PCDHGA8: variants seen among roughly 807,000 people sequenced by gnomAD.
PCDHGA8 encodes protocadherin gamma subfamily A, 8, also known as protocadherin gamma-A8.
In PCDHGA8, 45 loss-of-function variants were observed where a neutral mutation model predicts 59.2. That is an observed-to-expected ratio of 0.76 (90% CI 0.60 to 0.98). The LOEUF (loss-of-function observed/expected upper bound fraction) is 0.98, where lower values mean the gene tolerates loss of function less well. Among genes scored for constraint, PCDHGA8 ranks in the 50% least tolerant of loss-of-function variants. PCDHGA8 has a pLI of 0.00. For synonymous variants in PCDHGA8, 531 were observed against 519.0 expected (o/e 1.02, Z -0.32); for missense variants, 1,257 against 1,196.2 (o/e 1.05, Z -0.75).
Position 141,489,268 on chromosome 5 carries a change from G to T in PCDHGA8, c.2425-5539G>T. On this transcript the variant is annotated intron_variant, in intron 1 of 3. Transcript: ENST00000398604. This position sits in a 1 kb window ranked among gnomAD's most constrained non-coding sequence, Gnocchi z 4.5. The stretch of plus-strand genomic sequence containing the variant: ...GGGGCCCAAGACACTCCCACAGCTC[G>T]CTGGGAAATGGCAAGTGCTGTGCAT... The T allele has an allele frequency of 3.9e-6, 6 of 1,553,284 alleles. No homozygotes were observed. The South Asian group carries it at 5.0e-5, about 13-fold the overall frequency.
intron 1 of PCDHGA8, chr5:141,400,506 G>A (rs771674964): frequency 3.7e-6 from 6 of 1,613,830 alleles, no homozygotes; most frequent in Non-Finnish European, 5.1e-6. Context: ...CCAGCGAGTC[G>A]ACTTCCCATC....
chr5:141,421,964 C>T (rs772274014), intron 1 of PCDHGA8: 3 of 1,611,472 alleles, frequency 1.9e-6, no homozygotes, highest in Non-Finnish European at 1.7e-6. Flanking sequence ...TTTACACAGT[C>T]CGTATATCGC....
chr5:141,413,863 G>T, intron 1 of PCDHGA8: 1 of 1,613,356 alleles, frequency 6.2e-7, no homozygotes, highest in Non-Finnish European at 8.5e-7. Flanking sequence ...ATCTGGCACT[G>T]TCCTTGTCAG....
chr5:141,450,489 CTGTT>C (rs1372781820), intron 1 of PCDHGA8, among the ~76,000 whole-genome samples: 4 of 150,280 alleles, frequency 2.7e-5, no homozygotes, highest in Non-Finnish European at 2.9e-5. Context: ...GTTTGTTTGT[CTGTT>C]TGTTTGTTTT....
At chr5:141,475,997 G>A in intron 1 of PCDHGA8, 2 of 1,184,406 alleles carry the variant, frequency 1.7e-6, no homozygotes, top group East Asian at 2.4e-5. Flanking sequence ...CAAATCAACG[G>A]CATCCAGAAA....
At chr5:141,464,120 C>G (rs1297254980) in intron 1 of PCDHGA8, among the ~76,000 whole-genome samples, 1 of 151,976 alleles carries the variant, frequency 6.6e-6, no homozygotes, top group African/African-American at 2.4e-5. Flanking sequence ...CAAAAATTAG[C>G]TGGGTGTGGT....
In PCDHGA8 at chr5:141,494,860, C is replaced by T. The variant is rs372794752; in HGVS notation, c.2478C>T (p.Thr826=). Residue 826 remains threonine, a synonymous_variant, in exon 2 of 4, where the codon ACC becomes ACT. Coordinates refer to ENST00000398604, the MANE Select transcript of PCDHGA8 (RefSeq NM_032088.2). ...TCTCTCAGGCCCAGAGACCCGGCAC[C>T]AGCGGGTAGGTGACTGATTCTCCAG... ...WRFSQAQRPG[T]SGSQNGDDTG... 5.6e-6 allele frequency: 9 copies of T among 1,614,032 alleles called. No homozygotes were observed. Among genetic ancestry groups the T allele is most frequent in the Non-Finnish European group, 7.6e-6 (9 of 1,180,024 alleles).
intron 1 of PCDHGA8, among the ~76,000 whole-genome samples, chr5:141,455,808 A>G (rs2098832210): frequency 6.6e-6 from 1 of 152,050 alleles, no homozygotes; most frequent in Non-Finnish European, 1.5e-5. Flanking sequence ...TAAAAAATGA[A>G]AACTTCCCAA....
chr5:141,494,048 G>C (rs764072099), intron 1 of PCDHGA8, among the ~76,000 whole-genome samples: 3 of 152,148 alleles, frequency 2.0e-5, no homozygotes, highest in Non-Finnish European at 2.9e-5. Flanking sequence ...GGCCCTGCTT[G>C]GAGGCTGTGG....
chr5:141,480,719 A>G (rs1455113968), intron 1 of PCDHGA8, among the ~76,000 whole-genome samples: 1 of 152,194 alleles, frequency 6.6e-6, no homozygotes, highest in Non-Finnish European at 1.5e-5. Flanking sequence ...ATGAAAGCAC[A>G]GTCTCTGGGG....
At chr5:141,422,302 G>A (rs749870505) in intron 1 of PCDHGA8, 2 of 1,549,012 alleles carry the variant, frequency 1.3e-6, no homozygotes, top group Admixed American at 4.3e-5. Flanking sequence ...TTCAATTCTG[G>A]AAAACTCTCC....
chr5:141,393,662 A>G lies in PCDHGA8; in HGVS notation c.849A>G (p.Lys283=), dbSNP rs1442061423. The change falls in exon 1 of 4, where the codon AAA becomes AAG. Residue 283 remains lysine, a synonymous_variant. Transcript: ENST00000398604. ...GAAAAGTGGCATACAAATTCCGGAA[A>G]ATTAATGAAAAACAAACTCCGTTAT... ...INGKVAYKFR[K]INEKQTPLFQ... The G allele has an allele frequency of 6.2e-7, 1 of 1,613,816 alleles. No individual in the cohort carries two copies. The highest frequency in any genetic ancestry group is 1.3e-5 in the African/African-American group (1 of 74,942).
chr5:141,414,550 G>A (rs773044624), intron 1 of PCDHGA8: 1 of 1,613,948 alleles, frequency 6.2e-7, no homozygotes, highest in East Asian at 2.2e-5. Flanking sequence ...CTTCTCTCAA[G>A]TCTCCTACTT....
At chr5:141,457,175 A>C (rs1447297536) in intron 1 of PCDHGA8, among the ~76,000 whole-genome samples, 2 of 152,192 alleles carry the variant, frequency 1.3e-5, no homozygotes, top group Non-Finnish European at 2.9e-5. Flanking sequence ...ACCCTATTGC[A>C]AATAGTAGAG....
chr5:141,405,533 C>T (rs2094681755), intron 1 of PCDHGA8: 2 of 648,174 alleles, frequency 3.1e-6, no homozygotes. Context: ...GATTCTCCTG[C>T]CTCAGCCTCC....
At chr5:141,502,231 G>A (rs2099813372) in intron 2 of PCDHGA8, among the ~76,000 whole-genome samples, 1 of 152,172 alleles carries the variant, frequency 6.6e-6, no homozygotes, top group Non-Finnish European at 1.5e-5. Context: ...TGTTCTGTGT[G>A]TTCTTTTATC....
chr5:141,504,763 C>G (rs1057360921), intron 2 of PCDHGA8, among the ~76,000 whole-genome samples: 5 of 152,018 alleles, frequency 3.3e-5, no homozygotes, highest in African/African-American at 1.2e-4. Context: ...AATTTCTTCT[C>G]CCTGCTCCAG....
chr5:141,478,135 C>T (rs1307702473), intron 1 of PCDHGA8: 7 of 1,613,970 alleles, frequency 4.3e-6, no homozygotes, highest in African/African-American at 1.3e-5. Flanking sequence ...CTCCTGAAGC[C>T]CGAGCCGAGT....
chr5:141,466,358 A>T (rs1210013683), intron 1 of PCDHGA8, among the ~76,000 whole-genome samples: 3 of 152,066 alleles, frequency 2.0e-5, no homozygotes, highest in Non-Finnish European at 4.4e-5. Context: ...GCTAATCTAG[A>T]TGTAATGGTT....
Sources: allele counts gnomAD v4.1 joint callset (sites outside exome capture counted in the v4.1 genomes callset), GRCh38; gene constraint gnomAD v4.1.1; non-coding constraint Gnocchi (gnomAD v3.1); transcripts MANE v1.5; gene names NCBI Gene and HGNC (gene_info 2026-07-23, HGNC 2026-07-21).